KIAA1217: variants seen among roughly 807,000 people sequenced by gnomAD.
The protein encoded by KIAA1217 is KIAA1217.
Under a neutral mutation model 163.9 loss-of-function variants are expected in KIAA1217, and 88 were observed. The ratio of observed to expected loss-of-function variants is 0.54; its 90% confidence interval spans 0.45 to 0.64. The LOEUF (loss-of-function observed/expected upper bound fraction) is 0.64. KIAA1217 is among the 30% of genes least tolerant of loss of function. The pLI, the probability that KIAA1217 is intolerant of heterozygous loss-of-function variation, is 0.00. For synonymous variants in KIAA1217, 903 were observed against 923.1 expected, an observed-to-expected ratio of 0.98 and a Z score of 0.39; for missense variants, 2,372 against 2,475.0, an observed-to-expected ratio of 0.96 and a Z score of 0.88.
At position 24,540,538 on chromosome 10, in the gene KIAA1217, G is replaced by A. The variant is rs953099931; in HGVS notation, c.3535-2155G>A. On this transcript the variant is annotated intron_variant, in intron 17 of 20. Coordinates refer to ENST00000376454, the MANE Select transcript of KIAA1217 (RefSeq NM_019590.5). ...TGAGCCACCATGCCTGGCCTGAAACGTTTAATGATGGGAATGGCACAGGCC... is the reference window on the plus strand; with the variant it reads ...TGAGCCACCATGCCTGGCCTGAAACATTTAATGATGGGAATGGCACAGGCC... Among the ~76,000 whole-genome samples the A allele has an allele frequency of 4.6e-5, 7 of 152,072 alleles. No individual in the cohort carries two copies. The South Asian group carries it at 8.3e-4, about 18-fold the overall frequency.
intron 1 of KIAA1217, among the ~76,000 whole-genome samples, chr10:23,702,577 C>G (rs1836532140): frequency 6.6e-6 from 1 of 151,234 alleles, no homozygotes; most frequent in African/African-American, 2.4e-5. Context: ...TAATTGCCAT[C>G]ATGTTACACC....
intron 6 of KIAA1217, among the ~76,000 whole-genome samples, chr10:24,494,261 GA>G (rs2066494845): frequency 6.6e-6 from 1 of 152,220 alleles, no homozygotes; most frequent in African/African-American, 2.4e-5. Context: ...AGATGTCTTT[GA>G]GTTGGTCCGT....
intron 2 of KIAA1217, chr10:24,275,632 T>C (rs373927490): frequency 8.5e-6 from 4 of 469,352 alleles, no homozygotes; most frequent in South Asian, 1.5e-5. Context: ...AATGCTTTAG[T>C]AGTCTCAAGT....
chr10:24,220,015 G>A (rs1251869082), intron 2 of KIAA1217, 106 bp downstream of exon 2: 8 of 1,182,666 alleles, frequency 6.8e-6, no homozygotes, highest in Non-Finnish European at 6.9e-6. Context: ...TTAGTGGACT[G>A]TGCATACTAT....
intron 2 of KIAA1217, among the ~76,000 whole-genome samples, chr10:24,318,989 G>A (rs1466241092): frequency 1.3e-5 from 2 of 152,232 alleles, no homozygotes; most frequent in African/African-American, 4.8e-5. Context: ...AGTGGCAGCA[G>A]TAGTCATGGG....
rs76787542 is a variant in KIAA1217, at chr10:23,826,320, A to G, written c.-321+131086A>G. On this transcript the variant is annotated intron_variant, in intron 1 of 18. Transcript: ENST00000376462. ...AGTAGCATCTTATTATTTACATTAGATTTGACATGTCAATAGCAAATGATA... is the reference window on the plus strand; with the variant it reads ...AGTAGCATCTTATTATTTACATTAGGTTTGACATGTCAATAGCAAATGATA... Among the ~76,000 whole-genome samples the G allele has an allele frequency of 8.8e-3, 1,333 of 152,314 alleles. 23 individuals carry two copies. Among genetic ancestry groups the G allele is most frequent in the African/African-American group, 0.031 (1,271 of 41,552 alleles).
intron 16 of KIAA1217, among the ~76,000 whole-genome samples, chr10:24,534,686 C>T (rs892611029): frequency 5.3e-5 from 8 of 151,734 alleles, no homozygotes; most frequent in Non-Finnish European, 1.2e-4. Flanking sequence ...TCGAGACCAA[C>T]CTGGCCAACA....
chr10:24,194,599 A>G (rs115704741), intron 2 of KIAA1217, among the ~76,000 whole-genome samples: 1,823 of 151,294 alleles, frequency 0.012, 30 homozygotes, highest in African/African-American at 0.037. Flanking sequence ...TTTTGGAGAC[A>G]GTCTCGCTCT....
chr10:23,755,788 C>T (rs1310157466), intron 1 of KIAA1217, among the ~76,000 whole-genome samples: 1 of 152,102 alleles, frequency 6.6e-6, no homozygotes, highest in Non-Finnish European at 1.5e-5. Context: ...ATCCAGTTAA[C>T]CTCAAGTAAG....
chr10:24,466,731 G>A (rs1378664100), intron 5 of KIAA1217: 9 of 985,302 alleles, frequency 9.1e-6, no homozygotes, highest in Admixed American at 6.2e-5. Flanking sequence ...ATGTAATCAG[G>A]ACCTGAGCGA....
chr10:24,115,036 T>A (rs2062997571), intron 2 of KIAA1217, among the ~76,000 whole-genome samples: 1 of 152,202 alleles, frequency 6.6e-6, no homozygotes, highest in Admixed American at 6.5e-5. Flanking sequence ...AATCCTAAGA[T>A]AAAATCCCCA....
At chr10:23,806,229 C>T (rs1036680285) in intron 1 of KIAA1217, among the ~76,000 whole-genome samples, 12 of 151,918 alleles carry the variant, frequency 7.9e-5, no homozygotes, top group Non-Finnish European at 1.3e-4. Context: ...GAGAATGTTC[C>T]GCCGTTGCTG....
At chr10:24,171,993 C>G (rs917231076) in intron 2 of KIAA1217, among the ~76,000 whole-genome samples, 1 of 152,026 alleles carries the variant, frequency 6.6e-6, no homozygotes. Flanking sequence ...ATTATTATCC[C>G]CATTTAAACA....
At chr10:24,049,719 T>C (rs1849346377) in intron 2 of KIAA1217, among the ~76,000 whole-genome samples, 1 of 152,224 alleles carries the variant, frequency 6.6e-6, no homozygotes, top group Non-Finnish European at 1.5e-5. Context: ...GATGGACATT[T>C]GGGTTGGTTC....
intron 2 of KIAA1217, among the ~76,000 whole-genome samples, chr10:24,359,893 A>C (rs977183239): frequency 6.6e-6 from 1 of 152,082 alleles, no homozygotes; most frequent in East Asian, 1.9e-4. Context: ...ATTTTATTCC[A>C]TCTTTAAGTA....
chr10:24,274,879 C>A (rs987821836), intron 2 of KIAA1217, among the ~76,000 whole-genome samples: 1 of 152,076 alleles, frequency 6.6e-6, no homozygotes, highest in African/African-American at 2.4e-5. Context: ...ACTTCCACAC[C>A]ATACTTAAGG....
At chr10:23,995,841 C>T (rs1846457437) in intron 1 of KIAA1217, among the ~76,000 whole-genome samples, 1 of 152,120 alleles carries the variant, frequency 6.6e-6, no homozygotes, top group Non-Finnish European at 1.5e-5. Context: ...AAGCGTATGG[C>T]TGAACATGCT....
At chr10:23,977,596 A>G (rs1434936251) in intron 1 of KIAA1217, among the ~76,000 whole-genome samples, 1 of 152,226 alleles carries the variant, frequency 6.6e-6, no homozygotes, top group Non-Finnish European at 1.5e-5. Context: ...TCCAAAAAGT[A>G]AAACAGTTGG....
intron 17 of KIAA1217, among the ~76,000 whole-genome samples, chr10:24,540,831 C>T (rs1295107007): frequency 6.6e-5 from 10 of 152,094 alleles, no homozygotes; most frequent in Admixed American, 5.9e-4. Flanking sequence ...GGCAGTGGCA[C>T]GATCTCAGCT....
Sources: gnomAD v4.1 joint callset for allele counts (sites outside exome capture counted in the v4.1 genomes callset) on GRCh38, gnomAD v4.1.1 for gene constraint, MANE v1.5 for transcripts, NCBI Gene and HGNC (gene_info 2026-07-23, HGNC 2026-07-21) for gene names.